The following PTPRD variants were observed in gnomAD, a reference collection of about 807,000 sequenced individuals.
The protein encoded by PTPRD is receptor-type tyrosine-protein phosphatase delta.
Under a neutral mutation model 214.5 loss-of-function variants are expected in PTPRD, and 34 were observed. The ratio of observed to expected loss-of-function variants is 0.16; its 90% CI spans 0.12 to 0.21. The LOEUF is 0.21. Ranked by LOEUF, PTPRD falls within the 10% of genes least tolerant of loss-of-function variation. PTPRD has a pLI of 1.00. For missense variants in PTPRD, 2,545 were observed against 2,398.7 expected, an observed-to-expected ratio of 1.06 and a Z score of -1.27; for synonymous variants, 1,128 against 845.7, an observed-to-expected ratio of 1.33 and a Z score of -5.79.
chr9:10,461,915 C>G (rs761994909), intron 2 of PTPRD, among the ~76,000 whole-genome samples: 1 of 152,106 alleles, frequency 6.6e-6, no homozygotes, highest in African/African-American at 2.4e-5. Context: ...AATCACCACA[C>G]CCGGTCTATC....
intron 34 of PTPRD, chr9:8,437,236 G>A (rs1467562058): frequency 6.6e-7 from 1 of 1,522,506 alleles, no homozygotes; most frequent in East Asian, 2.5e-5. Flanking sequence ...GGAATCATCT[G>A]AACCTGCAAA....
rs575095961 is a variant in PTPRD at position 8,657,295 on chromosome 9, G to A, written c.65-20451C>T. Among the ~76,000 whole-genome samples the A allele has an allele frequency of 5.7e-3, 869 of 151,482 alleles. 4 individuals are homozygous for A. The highest frequency in any genetic ancestry group is 9.6e-3 in the Non-Finnish European group (651 of 67,924). On this transcript the variant is annotated intron_variant, in intron 12 of 45. Transcript: ENST00000381196. ...TGATTCTCTTGCCTCAGCCTCCTGA[G>A]TAGCTGGAATTACAGGCACCCACCA...
intron 11 of PTPRD, among the ~76,000 whole-genome samples, chr9:8,847,149 A>G (rs1259186049): frequency 6.6e-6 from 1 of 151,438 alleles, no homozygotes; most frequent in Non-Finnish European, 1.5e-5. Flanking sequence ...AAAATTCAAA[A>G]TTGAAATTAA....
chr9:10,455,733 C>A (rs1023454707), intron 2 of PTPRD, among the ~76,000 whole-genome samples: 1 of 151,652 alleles, frequency 6.6e-6, no homozygotes, highest in African/African-American at 2.4e-5. Flanking sequence ...ATTGGTAAAA[C>A]CTTTGTTCAT....
intron 2 of PTPRD, among the ~76,000 whole-genome samples, chr9:10,463,742 G>C (rs190722531): frequency 1.1e-4 from 17 of 152,064 alleles, no homozygotes; most frequent in Admixed American, 5.9e-4. Flanking sequence ...AATAACTTCA[G>C]AGTCTTACAA....
At chr9:9,026,553 T>C (rs1157006020) in intron 10 of PTPRD, among the ~76,000 whole-genome samples, 2 of 152,088 alleles carry the variant, frequency 1.3e-5, no homozygotes, top group East Asian at 1.9e-4. Context: ...CAGGGTTTGT[T>C]CAGTTTTATT....
chr9:8,703,213 G>C (rs1363050812), intron 12 of PTPRD, among the ~76,000 whole-genome samples: 1 of 152,138 alleles, frequency 6.6e-6, no homozygotes, highest in Non-Finnish European at 1.5e-5. Context: ...TCTTTGAGGA[G>C]ATCAGCAGGA....
chr9:8,763,757 A>C (rs1051812699), intron 11 of PTPRD, among the ~76,000 whole-genome samples: 4 of 151,884 alleles, frequency 2.6e-5, no homozygotes, highest in African/African-American at 9.7e-5. Flanking sequence ...GAGAATGATC[A>C]TAAGTTACCC....
chr9:8,419,638 C>T (rs73420497), intron 35 of PTPRD, among the ~76,000 whole-genome samples: 3 of 151,630 alleles, frequency 2.0e-5, no homozygotes, highest in Non-Finnish European at 1.5e-5. Context: ...GATTCTTTGG[C>T]ATCTCATATT....
intron 12 of PTPRD, among the ~76,000 whole-genome samples, chr9:8,704,557 G>A (rs144479771): frequency 3.9e-5 from 6 of 152,136 alleles, no homozygotes; most frequent in Admixed American, 2.6e-4. Context: ...TGCATTAAAG[G>A]TTAAGTGAGG....
chr9:8,703,549 C>T (rs2098135233), intron 12 of PTPRD, among the ~76,000 whole-genome samples: 1 of 152,166 alleles, frequency 6.6e-6, no homozygotes, highest in South Asian at 2.1e-4. Context: ...GCCTCTAGGA[C>T]ACAACCTTCC....
intron 36 of PTPRD, among the ~76,000 whole-genome samples, chr9:8,399,624 A>T (rs1214505545): frequency 6.6e-6 from 1 of 152,162 alleles, no homozygotes; most frequent in Non-Finnish European, 1.5e-5. Flanking sequence ...ATTCATTTTG[A>T]CTTGGAGTCT....
chr9:8,331,053 T>G (rs1402023070), intron 44 of PTPRD, among the ~76,000 whole-genome samples: 1 of 148,468 alleles, frequency 6.7e-6, no homozygotes, highest in African/African-American at 2.5e-5. Context: ...CTCTAGAAAC[T>G]ATTGAAAATA....
At position 9,406,898 on chromosome 9, in the gene PTPRD, G is replaced by A. The variant is rs182916566; in HGVS notation, c.-236-9416C>T. Among the ~76,000 whole-genome samples the A allele has an allele frequency of 5.5e-3, 830 of 149,712 alleles. 9 individuals are homozygous for A. Among genetic ancestry groups the A allele is most frequent in the African/African-American group, 0.019 (776 of 40,878 alleles). Reference sequence around the variant, plus strand: ...TTCCGTAGAAAAGGCATTTTTTTCTGATTCTTGTCTATTATAATGCTGAGC... The same window carrying A: ...TTCCGTAGAAAAGGCATTTTTTTCTAATTCTTGTCTATTATAATGCTGAGC... On this transcript the variant is annotated intron_variant, in intron 8 of 45. Coordinates refer to ENST00000381196, the MANE Select transcript of PTPRD (RefSeq NM_002839.4).
intron 2 of PTPRD, among the ~76,000 whole-genome samples, chr9:10,516,122 T>A (rs2050020170): frequency 6.6e-6 from 1 of 151,952 alleles, no homozygotes; most frequent in South Asian, 2.1e-4. Flanking sequence ...ATATGGTAGC[T>A]CTATTTTTTA....
intron 3 of PTPRD, among the ~76,000 whole-genome samples, chr9:10,051,387 G>A (rs1036243407): frequency 1.3e-5 from 2 of 151,894 alleles, no homozygotes; most frequent in Non-Finnish European, 2.9e-5. Context: ...CCTGCTGTTA[G>A]TCATCTCCAG....
intron 33 of PTPRD, among the ~76,000 whole-genome samples, chr9:8,456,586 G>T (rs893861023): frequency 1.3e-5 from 2 of 152,114 alleles, no homozygotes; most frequent in Admixed American, 6.5e-5. Flanking sequence ...ATTCTGGACT[G>T]CATTTCCTTG....
chr9:10,358,262 G>C (rs966690619), intron 2 of PTPRD, among the ~76,000 whole-genome samples: 2 of 151,946 alleles, frequency 1.3e-5, no homozygotes, highest in East Asian at 3.9e-4. Context: ...CTTTTGTCCA[G>C]AAATTCTTCA....
chr9:8,992,193 G>T (rs1191905324), intron 11 of PTPRD, among the ~76,000 whole-genome samples: 1 of 152,158 alleles, frequency 6.6e-6, no homozygotes, highest in Non-Finnish European at 1.5e-5. Flanking sequence ...TAGAAGGAAA[G>T]AAATATTCTA....
Sources: allele counts gnomAD v4.1 joint callset (sites outside exome capture counted in the v4.1 genomes callset), GRCh38; gene constraint gnomAD v4.1.1; transcripts MANE v1.5; gene names NCBI Gene and HGNC (gene_info 2026-07-23, HGNC 2026-07-21).